The following APCDD1 variants were observed in gnomAD, a reference collection of about 807,000 sequenced individuals.
The protein encoded by APCDD1 is protein APCDD1.
A neutral mutation model predicts 38.1 loss-of-function variants in APCDD1; 15 were observed. That is an observed-to-expected ratio of 0.39 (90% CI 0.26 to 0.61). APCDD1 has a LOEUF of 0.61. Ranked by LOEUF, APCDD1 falls within the 20% of genes least tolerant of loss-of-function variation. The probability of loss-of-function intolerance (pLI) is 0.49; values close to 1 mark genes in which losing one functional copy is unlikely to be tolerated. For missense variants in APCDD1, 647 were observed against 696.2 expected (o/e 0.93, Z 0.79); for synonymous variants, 261 against 279.7 (o/e 0.93, Z 0.67).
intron 1 of APCDD1, among the ~76,000 whole-genome samples, chr18:10,455,814 A>G (rs911148779): frequency 6.6e-6 from 1 of 152,082 alleles, no homozygotes; most frequent in Admixed American, 6.6e-5. Context: ...AAACACCAAG[A>G]CAGAATTTCT....
Position 10,471,649 on chromosome 18 carries a change from C to T in APCDD1, c.362C>T (p.Thr121Ile). ...GSNRCTNPTY[T>I]LIIRGKIRLR... ...AACCGGTGCACAAATCCCACTTATA[C>T]TCTCATCATCCGGGGCAAGATCCGC... Residue 121 changes from threonine to isoleucine, a missense_variant, in exon 3 of 5, where the codon ACT (threonine) becomes ATT (isoleucine). Transcript: ENST00000355285. The surrounding 1 kb of genome is among the most constrained non-coding windows in gnomAD (Gnocchi z 5.5). The T allele has an allele frequency of 6.2e-7, 1 of 1,614,204 alleles. No homozygotes were observed. The highest frequency in any genetic ancestry group is 1.7e-5 in the Admixed American group (1 of 60,024).
chr18:10,460,738 C>T (rs1451926647), intron 1 of APCDD1, among the ~76,000 whole-genome samples: 1 of 152,162 alleles, frequency 6.6e-6, no homozygotes, highest in African/African-American at 2.4e-5. Context: ...AGGCACCCCA[C>T]CCTTTTTCTT....
rs2030322446 is a variant in APCDD1 at position 10,454,784 on chromosome 18, G to C, written c.-198G>C. The C allele has an allele frequency of 2.0e-6, 2 of 980,482 alleles. No homozygotes were observed. Among genetic ancestry groups the C allele is most frequent in the Non-Finnish European group, 2.4e-6 (2 of 828,280 alleles). The allele number at this position is 980,482 out of a possible 1,614,324, so 60.7% of individuals were successfully genotyped here. On this transcript the variant is annotated 5_prime_UTR_variant, in exon 1 of 5. Coordinates refer to ENST00000355285, the MANE Select transcript of APCDD1 (RefSeq NM_153000.5). ...CGCGGACCGGGCCGGGGCGCCCACA[G>C]CCGCCCGACGGCGCCCAGAGAGCGC...
intron 1 of APCDD1, among the ~76,000 whole-genome samples, chr18:10,465,064 G>C (rs2030672968): frequency 6.6e-6 from 1 of 152,164 alleles, no homozygotes; most frequent in Admixed American, 6.5e-5. Context: ...CATAACTGAC[G>C]AGTAGACAGA....
chr18:10,461,145 T>G (rs1235341072), intron 1 of APCDD1, among the ~76,000 whole-genome samples: 1 of 152,174 alleles, frequency 6.6e-6, no homozygotes, highest in Non-Finnish European at 1.5e-5. Context: ...ATGTATTCCT[T>G]GGGAGTAAAT....
chr18:10,473,925 A>ATTTT (rs10691722), intron 3 of APCDD1, among the ~76,000 whole-genome samples: 3,822 of 127,772 alleles, frequency 0.03, 228 homozygotes, highest in African/African-American at 0.1. Flanking sequence ...CCTTTCTGGG[A>ATTTT]TTTTTTTTTT....
Position 10,472,003 on chromosome 18 carries a change from C to A in APCDD1, c.716C>A (p.Ala239Asp). 1 of 1,613,968 alleles carries A rather than the reference C, an allele frequency of 6.2e-7. No homozygotes were observed. Among genetic ancestry groups the A allele is most frequent in the Non-Finnish European group, 8.5e-7 (1 of 1,180,044 alleles). ...TTCCTTGGTGACATTCACACTGATG[C>A]CACCCAGAGGATGTTCTACCGGCCC... ...ELFLGDIHTD[A>D]TQRMFYRPSS... The change falls in exon 3 of 5, where the codon GCC becomes GAC. Residue 239 changes from alanine to aspartate, a missense_variant. Coordinates refer to ENST00000355285, the MANE Select transcript of APCDD1 (RefSeq NM_153000.5). This position sits in a 1 kb window ranked among gnomAD's most constrained non-coding sequence, Gnocchi z 6.6.
At chr18:10,479,710 TC>T (rs2031090196) in intron 3 of APCDD1, among the ~76,000 whole-genome samples, 1 of 152,196 alleles carries the variant, frequency 6.6e-6, no homozygotes, top group South Asian at 2.1e-4. Context: ...CTTAGTTGCC[TC>T]GTCTGTAAAA....
chr18:10,454,818 C>A lies in APCDD1; in HGVS notation c.-164C>A. On this transcript the variant is annotated 5_prime_UTR_variant, in exon 1 of 5. Transcript: ENST00000355285. ...CGGCGCCCAGAGAGCGCGCGCCCCGCAGCCCCGCGCCTAGCCCGCCGGGCA... is the reference window on the plus strand; with the variant it reads ...CGGCGCCCAGAGAGCGCGCGCCCCGAAGCCCCGCGCCTAGCCCGCCGGGCA... The A allele has an allele frequency of 1.0e-6, 1 of 987,470 alleles. No homozygotes were observed. Among genetic ancestry groups the A allele is most frequent in the African/African-American group, 1.8e-5 (1 of 56,928 alleles). 61.2% of individuals were successfully genotyped at this position (987,470 alleles called of 1,614,324 possible).
intron 1 of APCDD1, among the ~76,000 whole-genome samples, chr18:10,465,698 C>T (rs2030691431): frequency 6.6e-6 from 1 of 152,170 alleles, no homozygotes; most frequent in South Asian, 2.1e-4. Context: ...GAGAAATTGC[C>T]AGATGTCTTT....
intron 3 of APCDD1, among the ~76,000 whole-genome samples, chr18:10,484,720 G>T (rs1480088157): frequency 1.3e-5 from 2 of 152,146 alleles, no homozygotes; most frequent in South Asian, 2.1e-4. Context: ...TGTCCCCAAG[G>T]TTCATCCCTA....
At chr18:10,457,372 G>T (rs1047132636) in intron 1 of APCDD1, among the ~76,000 whole-genome samples, 1 of 152,172 alleles carries the variant, frequency 6.6e-6, no homozygotes, top group Admixed American at 6.5e-5. Flanking sequence ...TGAATATGTC[G>T]TACTCAACTG....
intron 1 of APCDD1, among the ~76,000 whole-genome samples, chr18:10,458,256 A>C (rs974561288): frequency 1.3e-5 from 2 of 152,186 alleles, no homozygotes; most frequent in Admixed American, 1.3e-4. Flanking sequence ...CTTTTGTAGA[A>C]TTCGTTGACT....
At chr18:10,462,757 G>T (rs1186323557) in intron 1 of APCDD1, among the ~76,000 whole-genome samples, 2 of 146,188 alleles carry the variant, frequency 1.4e-5, no homozygotes, top group Non-Finnish European at 3.0e-5. Context: ...GATGGTCATT[G>T]CCTCTCCAAC....
rs760571177 is a variant in APCDD1, at chr18:10,471,483, A to G, written c.243-47A>G. ...TAATACTATAATGAATCTCTTTCCC[A>G]TACCTTCAGGCTTACAAAGGTCTCT... is the stretch of plus-strand genomic sequence containing the variant. On this transcript the variant is annotated intron_variant, in intron 2 of 4. Coordinates refer to ENST00000355285, the MANE Select transcript of APCDD1 (RefSeq NM_153000.5). The surrounding 1 kb of genome is among the most constrained non-coding windows in gnomAD (Gnocchi z 5.5). 1.9e-6 allele frequency: 3 copies of G among 1,611,290 alleles called. No homozygotes were observed. The highest frequency in any genetic ancestry group is 2.7e-5 in the African/African-American group (2 of 74,870).
At chr18:10,484,727 C>T (rs766015237) in intron 3 of APCDD1, among the ~76,000 whole-genome samples, 3 of 152,158 alleles carry the variant, frequency 2.0e-5, no homozygotes, top group Non-Finnish European at 4.4e-5. Context: ...AAGGTTCATC[C>T]CTATTGTAGC....
At chr18:10,486,060 T>C (rs1386159618) in intron 4 of APCDD1, among the ~76,000 whole-genome samples, 1 of 152,164 alleles carries the variant, frequency 6.6e-6, no homozygotes, top group African/African-American at 2.4e-5. Flanking sequence ...TTACTGGGAA[T>C]GAAATCTCTG....
intron 1 of APCDD1, 46 bp from the exon 2 acceptor site, chr18:10,468,423 T>C: frequency 6.2e-7 from 1 of 1,606,350 alleles, no homozygotes. Flanking sequence ...GATTCATGTC[T>C]GCTGCTACTT....
intron 3 of APCDD1, among the ~76,000 whole-genome samples, chr18:10,474,746 C>T (rs1395182763): frequency 6.6e-6 from 1 of 152,212 alleles, no homozygotes; most frequent in African/African-American, 2.4e-5. Context: ...TTAAGGCTGG[C>T]GCCCAGGGGT....
Sources: allele counts gnomAD v4.1 joint callset (sites outside exome capture counted in the v4.1 genomes callset), GRCh38; gene constraint gnomAD v4.1.1; non-coding constraint Gnocchi (gnomAD v3.1); transcripts MANE v1.5; gene names NCBI Gene and HGNC (gene_info 2026-07-23, HGNC 2026-07-21).